Variants in YES1 observed in about 807,000 individuals in gnomAD.
The protein encoded by YES1 is tyrosine-protein kinase Yes.
A neutral mutation model predicts 70.4 loss-of-function variants in YES1; 39 were observed. The observed-to-expected ratio is 0.55, with a 90% CI of 0.43 to 0.72. The LOEUF is 0.72. YES1 is among the 30% of genes least tolerant of loss of function. The probability of loss-of-function intolerance (pLI) is 0.00; values close to 1 mark genes in which losing one functional copy is unlikely to be tolerated. For missense variants in YES1, 495 were observed against 644.8 expected (o/e 0.77, Z 2.52); for synonymous variants, 198 against 218.6 (o/e 0.91, Z 0.83).
intron 8 of YES1, among the ~76,000 whole-genome samples, chr18:741,023 G>A (rs1470302476): frequency 6.6e-6 from 1 of 151,970 alleles, no homozygotes; most frequent in Non-Finnish European, 1.5e-5. Context: ...TCAGCCTCCC[G>A]AGCAGCTGGA....
chr18:726,479 C>T (rs1439882807), intron 11 of YES1, among the ~76,000 whole-genome samples: 1 of 151,226 alleles, frequency 6.6e-6, no homozygotes, highest in Non-Finnish European at 1.5e-5. Context: ...ATAATTAGAA[C>T]TATTAAATTA....
chr18:736,637 A>G, intron 10 of YES1, 171 bp downstream of exon 10: 1 of 835,658 alleles, frequency 1.2e-6, no homozygotes, highest in South Asian at 2.6e-5. Flanking sequence ...TCTTGGAGGA[A>G]ATAACTATCA....
intron 1 of YES1, among the ~76,000 whole-genome samples, chr18:809,965 G>A (rs915071854): frequency 4.0e-5 from 6 of 150,320 alleles, no homozygotes; most frequent in African/African-American, 1.5e-4. Context: ...AGAACCACAG[G>A]TATTCTATGC....
rs540220225 is a variant in YES1 at position 767,573 on chromosome 18, G to A, written c.-8-10738C>T. ...AAAAAGCAATTAACCATGTATGTGTGTAGGTCTGCTTTCATTCCCTATTTT... is the reference window on the plus strand; with the variant it reads ...AAAAAGCAATTAACCATGTATGTGTATAGGTCTGCTTTCATTCCCTATTTT... On this transcript the variant is annotated intron_variant, in intron 1 of 11. Transcript: ENST00000314574. 5.9e-5 allele frequency among the ~76,000 whole-genome samples: 9 copies of A among 152,312 alleles called. No homozygotes were observed. The South Asian group carries it at 6.2e-4, about 11-fold the overall frequency.
chr18:749,195 A>G (rs552755897), intron 3 of YES1, among the ~76,000 whole-genome samples: 1 of 151,502 alleles, frequency 6.6e-6, no homozygotes, highest in Admixed American at 6.6e-5. Flanking sequence ...ACAAAAACCC[A>G]AAAAAACTGC....
At chr18:768,530 T>C (rs1405276573) in intron 1 of YES1, among the ~76,000 whole-genome samples, 6 of 152,190 alleles carry the variant, frequency 3.9e-5, no homozygotes, top group South Asian at 2.1e-4. Context: ...GTTTATGCCA[T>C]TATAAATGTT....
intron 1 of YES1, among the ~76,000 whole-genome samples, chr18:791,223 C>T (rs1358256117): frequency 1.3e-5 from 2 of 149,612 alleles, no homozygotes; most frequent in Non-Finnish European, 3.0e-5. Context: ...GCACTCCAGC[C>T]TGGCCAACAA....
chr18:747,207 C>T (rs560358839), intron 4 of YES1, among the ~76,000 whole-genome samples: 5 of 152,182 alleles, frequency 3.3e-5, no homozygotes, highest in Non-Finnish European at 7.3e-5. Flanking sequence ...CAATGGCTCA[C>T]GCCTGTGATC....
intron 6 of YES1, among the ~76,000 whole-genome samples, chr18:745,183 A>G (rs899743376): frequency 6.6e-6 from 1 of 152,184 alleles, no homozygotes; most frequent in African/African-American, 2.4e-5. Flanking sequence ...TTTGAGACAG[A>G]AGATTCTAAT....
intron 1 of YES1, among the ~76,000 whole-genome samples, chr18:772,451 A>G (rs1905202170): frequency 6.7e-6 from 1 of 149,940 alleles, no homozygotes; most frequent in South Asian, 2.1e-4. Context: ...TTTTTTTTTG[A>G]GATAGAGTCT....
At chr18:754,124 C>A (rs2080376663) in intron 2 of YES1, among the ~76,000 whole-genome samples, 1 of 152,148 alleles carries the variant, frequency 6.6e-6, no homozygotes, top group African/African-American at 2.4e-5. Context: ...CAGTTTTTCT[C>A]AAAAGAAAAT....
chr18:778,663 T>C (rs539427951), intron 1 of YES1, among the ~76,000 whole-genome samples: 1 of 152,276 alleles, frequency 6.6e-6, no homozygotes, highest in African/African-American at 2.4e-5. Context: ...GAAAAATAAA[T>C]TTAGAGACTT....
chr18:786,431 T>C (rs1199166669), intron 1 of YES1, among the ~76,000 whole-genome samples: 1 of 151,632 alleles, frequency 6.6e-6, no homozygotes, highest in Non-Finnish European at 1.5e-5. Context: ...TTGTCTATTG[T>C]TGTGGTTAGC....
chr18:744,507 A>T (rs552966547), intron 6 of YES1, among the ~76,000 whole-genome samples: 212 of 151,074 alleles, frequency 1.4e-3, no homozygotes, highest in African/African-American at 4.9e-3. Flanking sequence ...CTCCTGCCTC[A>T]GCCTCCCAAG....
Position 745,487 on chromosome 18 carries a change from T to C in YES1, c.724+221A>G, listed in dbSNP as rs1287142260. The stretch of plus-strand genomic sequence containing the variant: ...ATGTAAATACTATGCCAGTAAGATA[T>C]AAGGACCCAAATGATGAGAGTCTAT... On this transcript the variant is annotated intron_variant, in intron 6 of 11. Coordinates refer to ENST00000314574, the MANE Select transcript of YES1 (RefSeq NM_005433.4). 2.6e-5 allele frequency among the ~76,000 whole-genome samples: 4 copies of C among 152,164 alleles called. No homozygotes were observed. The East Asian group carries it at 7.7e-4, about 29-fold the overall frequency.
At chr18:801,020 C>T (rs951799914) in intron 1 of YES1, among the ~76,000 whole-genome samples, 8 of 151,978 alleles carry the variant, frequency 5.3e-5, no homozygotes, top group African/African-American at 1.9e-4. Flanking sequence ...GTGGCGTGTG[C>T]CTGTAATCCC....
intron 11 of YES1, among the ~76,000 whole-genome samples, chr18:727,292 G>A (rs990950125): frequency 6.6e-6 from 1 of 152,054 alleles, no homozygotes; most frequent in Admixed American, 6.6e-5. Flanking sequence ...GCTTTCTTCA[G>A]TTAGGATTTG....
chr18:735,965 G>T (rs2080147936), intron 10 of YES1: 2 of 152,530 alleles, frequency 1.3e-5, no homozygotes, highest in African/African-American at 4.8e-5. Context: ...GAGCCCAGAA[G>T]TTCGAGACCA....
At position 739,669 on chromosome 18, in the gene YES1, G is replaced by T. The variant is rs2080194038; in HGVS notation, c.1137+66C>A. 3 of 1,242,648 alleles carry T rather than the reference G, an allele frequency of 2.4e-6. No individual in the cohort carries two copies. The East Asian group carries it at 7.2e-5, about 30-fold the overall frequency. The allele number at this position is 1,242,648 out of a possible 1,614,324, so 77.0% of individuals were successfully genotyped here. A position where few individuals can be genotyped will look rare whatever the true frequency, so the allele number is the denominator to read the frequency against. Reference sequence around the variant, plus strand: ...TCACTACACATACTATAATATTCTGGTAAGATTATTCCACATTTTAATTTA... The same window carrying T: ...TCACTACACATACTATAATATTCTGTTAAGATTATTCCACATTTTAATTTA... On this transcript the variant is annotated intron_variant, in intron 9 of 11. Transcript: ENST00000314574.
Sources: allele counts gnomAD v4.1 joint callset (sites outside exome capture counted in the v4.1 genomes callset), GRCh38; gene constraint gnomAD v4.1.1; transcripts MANE v1.5; gene names NCBI Gene and HGNC (gene_info 2026-07-23, HGNC 2026-07-21).